Variants in PTPN3 observed in about 807,000 individuals in gnomAD.
PTPN3 encodes tyrosine-protein phosphatase non-receptor type 3.
Under a neutral mutation model 132.7 loss-of-function variants are expected in PTPN3, and 96 were observed. The ratio of observed to expected loss-of-function variants is 0.72; its 90% CI spans 0.61 to 0.86. The LOEUF (loss-of-function observed/expected upper bound fraction) is 0.86. Among genes scored for constraint, PTPN3 ranks in the 40% least tolerant of loss-of-function variants. PTPN3 has a pLI of 0.00. For synonymous variants in PTPN3, 398 were observed against 429.0 expected (o/e 0.93, Z 0.89); for missense variants, 1,125 against 1,159.6 (o/e 0.97, Z 0.43).
intron 5 of PTPN3, among the ~76,000 whole-genome samples, chr9:109,452,890 G>A (rs1427653893): frequency 2.0e-5 from 3 of 152,128 alleles, no homozygotes; most frequent in African/African-American, 7.2e-5. Flanking sequence ...GTACTGGCCT[G>A]AGGAAACCTT....
At chr9:109,521,669 A>G in the PTPN3 span, among the ~76,000 whole-genome samples, 1 of 152,068 alleles carries the variant, frequency 6.6e-6, no homozygotes, top group African/African-American at 2.4e-5. Context: ...AGGTTTTTCT[A>G]CCAAAATACT....
chr9:109,432,434 G>A (rs189224203), intron 10 of PTPN3, among the ~76,000 whole-genome samples: 15 of 152,150 alleles, frequency 9.9e-5, no homozygotes, highest in African/African-American at 1.9e-4. Context: ...CTGGCAATGC[G>A]TGCTACCCCC....
intron 6 of PTPN3, among the ~76,000 whole-genome samples, chr9:109,447,047 G>A (rs919608500): frequency 1.3e-5 from 2 of 152,292 alleles, no homozygotes; most frequent in Non-Finnish European, 2.9e-5. Context: ...TCTGAGAAGC[G>A]TTTGGTAGCA....
the PTPN3 span, among the ~76,000 whole-genome samples, chr9:109,508,867 A>C: frequency 6.6e-6 from 1 of 151,500 alleles, no homozygotes; most frequent in Non-Finnish European, 1.5e-5. Flanking sequence ...CCCCCCACCC[A>C]CCAACCTCCA....
At chr9:109,445,208 T>C (rs1016351676) in intron 7 of PTPN3, 32 bp downstream of exon 7, 30 of 1,598,622 alleles carry the variant, frequency 1.9e-5, no homozygotes, top group Non-Finnish European at 2.5e-5. Flanking sequence ...GAACAACCTG[T>C]CCATCCGTGA....
intron 1 of PTPN3, among the ~76,000 whole-genome samples, chr9:109,473,996 T>C (rs1442985997): frequency 6.6e-6 from 1 of 152,070 alleles, no homozygotes; most frequent in African/African-American, 2.4e-5. Context: ...AGGTCTCAAC[T>C]TTCCCTGGGT....
At chr9:109,434,708 T>C (rs1001726751) in intron 9 of PTPN3, among the ~76,000 whole-genome samples, 1 of 152,206 alleles carries the variant, frequency 6.6e-6, no homozygotes, top group Non-Finnish European at 1.5e-5. Context: ...GTTGGGCTCC[T>C]GAGGCTCAAT....
intron 6 of PTPN3, among the ~76,000 whole-genome samples, chr9:109,445,646 C>G (rs1564449293): frequency 6.6e-6 from 1 of 152,094 alleles, no homozygotes; most frequent in Non-Finnish European, 1.5e-5. Flanking sequence ...AATGGGCAGC[C>G]TTTAAATCTT....
chr9:109,461,253 C>T (rs1374337833), intron 2 of PTPN3, among the ~76,000 whole-genome samples: 1 of 152,178 alleles, frequency 6.6e-6, no homozygotes, highest in Non-Finnish European at 1.5e-5. Flanking sequence ...CACATTGAGA[C>T]AACTCGGGGA....
chr9:109,533,845 G>A, the PTPN3 span: 1 of 836,702 alleles, frequency 1.2e-6, no homozygotes, highest in Admixed American at 1.9e-5. Context: ...CGCTATTCTG[G>A]TAGTTTTGCT....
chr9:109,398,479 A>G (rs1211596272), intron 19 of PTPN3, among the ~76,000 whole-genome samples: 2 of 152,202 alleles, frequency 1.3e-5, no homozygotes, highest in Non-Finnish European at 2.9e-5. Context: ...AGTAAAGTAA[A>G]AACAGGGGCC....
At chr9:109,534,033 G>A in the PTPN3 span, 1 of 769,268 alleles carries the variant, frequency 1.3e-6, no homozygotes, top group Non-Finnish European at 2.4e-6. Flanking sequence ...CACTGCGAAG[G>A]TACCTCCTGG....
chr9:109,492,181 C>A (rs981568467), intron 1 of PTPN3, among the ~76,000 whole-genome samples: 3 of 152,164 alleles, frequency 2.0e-5, no homozygotes, highest in East Asian at 3.9e-4. Flanking sequence ...TGGTGGCTGG[C>A]GGTCAAAAAA....
rs1248354735 is a variant in PTPN3, at chr9:109,382,504, A to T, written c.2383-57T>A. On this transcript the variant is annotated intron_variant, in intron 23 of 25. Transcript: ENST00000374541. ...ATCCAGGTGGTGAGCATGAGGACCC[A>T]GCCCCAACCCAGACACAGGGTGGCC... 8.8e-6 allele frequency: 14 copies of T among 1,593,956 alleles called. No homozygotes were observed. The Middle Eastern group carries it at 1.2e-3, about 139-fold the overall frequency.
intron 10 of PTPN3, 59 bp from the exon 11 acceptor site, chr9:109,428,743 T>A: frequency 6.4e-7 from 1 of 1,566,574 alleles, no homozygotes. Context: ...AGGTTGAAGC[T>A]GATGCCTCTC....
chr9:109,418,476 G>A (rs557684074), intron 14 of PTPN3, among the ~76,000 whole-genome samples: 5 of 152,320 alleles, frequency 3.3e-5, no homozygotes, highest in South Asian at 2.1e-4. Flanking sequence ...GGTGTGGAGC[G>A]CCCAGACTGC....
the PTPN3 span, among the ~76,000 whole-genome samples, chr9:109,520,660 A>G: frequency 3.9e-5 from 6 of 152,318 alleles, no homozygotes; most frequent in East Asian, 7.7e-4. Context: ...TCAAGCACAC[A>G]GTCTCTTTGC....
intron 19 of PTPN3, among the ~76,000 whole-genome samples, chr9:109,404,219 G>A (rs1351657267): frequency 2.6e-5 from 4 of 152,144 alleles, no homozygotes; most frequent in East Asian, 3.8e-4. Context: ...TTGCTGCTCC[G>A]AGCCTGAGAA....
chr9:109,403,696 A>T (rs142549940), intron 19 of PTPN3, among the ~76,000 whole-genome samples: 1 of 151,650 alleles, frequency 6.6e-6, no homozygotes, highest in African/African-American at 2.4e-5. Flanking sequence ...CGACAACAAC[A>T]TATTTAAAAA....
Sources: gnomAD v4.1 joint callset for allele counts (sites outside exome capture counted in the v4.1 genomes callset) on GRCh38, gnomAD v4.1.1 for gene constraint, MANE v1.5 for transcripts, NCBI Gene and HGNC (gene_info 2026-07-23, HGNC 2026-07-21) for gene names.